FOXL2NB: variants seen among roughly 807,000 people sequenced by gnomAD.
FOXL2NB encodes the protein FOXL2 neighbor.
Under a neutral mutation model 7.4 loss-of-function variants are expected in FOXL2NB, and 10 were observed. The ratio of observed to expected loss-of-function variants is 1.34; its 90% CI spans 0.83 to 2.28. FOXL2NB has a LOEUF of 2.28. FOXL2NB is among the 30% of genes most tolerant of loss of function. FOXL2NB has a pLI of 0.00. For synonymous variants in FOXL2NB, 104 were observed against 105.3 expected (o/e 0.99, Z 0.08); for missense variants, 228 against 233.9 (o/e 0.97, Z 0.17).
chr3:138,950,099 C>G, intron 2 of FOXL2NB, 166 bp from the exon 3 acceptor site: 1 of 794,256 alleles, frequency 1.3e-6, no homozygotes, highest in South Asian at 1.5e-5. Context: ...CGCCTCCTGA[C>G]CGTGGTCCCA....
At position 138,949,534 on chromosome 3, in the gene FOXL2NB, G is replaced by C; in HGVS notation, c.115G>C (p.Val39Leu). The C allele has an allele frequency of 1.9e-6, 3 of 1,614,146 alleles. No individual in the cohort carries two copies. Among genetic ancestry groups the C allele is most frequent in the Non-Finnish European group, 2.5e-6 (3 of 1,180,028 alleles). ...SSRLSESPAL[V>L]KKRMPDACTL... ...TAGAGGAACAGAATCCCCAGCCCTG[G>C]TGAAGAAGAGGATGCCTGATGCGTG... Residue 39 changes from valine (V) to leucine (L), a missense_variant, in exon 2 of 3, where the codon GTG becomes CTG. Val to Leu is a conservative substitution (Grantham distance 32). Coordinates refer to ENST00000383165, the MANE Select transcript of FOXL2NB (RefSeq NM_001040061.3). This position sits in a 1 kb window ranked among gnomAD's most constrained non-coding sequence, Gnocchi z 4.5.
Position 138,949,980 on chromosome 3 carries a change from C to G in FOXL2NB, c.221-285C>G, listed in dbSNP as rs1161553949. ...GACGCAGGGCCCCCGGCTTAGTGAC[C>G]TTGGGGCGGCGCTCACCTCCAAAGG... On this transcript the variant is annotated intron_variant, in intron 2 of 2. Transcript: ENST00000383165. The surrounding 1 kb of genome is among the most constrained non-coding windows in gnomAD (Gnocchi z 4.5). 2.9e-5 allele frequency: 20 copies of G among 698,122 alleles called. No homozygotes were observed. Among genetic ancestry groups the G allele is most frequent in the South Asian group, 2.5e-4 (17 of 66,738 alleles). The allele number at this position is 698,122 out of a possible 1,614,324, so 43.2% of individuals were successfully genotyped here. A position where few individuals can be genotyped will look rare whatever the true frequency, so the allele number is the denominator to read the frequency against.
chr3:138,947,696 G>T lies in FOXL2NB; in HGVS notation c.100+232G>T. The T allele has an allele frequency of 7.8e-7, 1 of 1,281,946 alleles. No individual in the cohort carries two copies. Among genetic ancestry groups the T allele is most frequent in the Non-Finnish European group, 9.8e-7 (1 of 1,016,202 alleles). The allele number at this position is 1,281,946 out of a possible 1,614,324, so 79.4% of individuals were successfully genotyped here. A position where few individuals can be genotyped will look rare whatever the true frequency, so the allele number is the denominator to read the frequency against. On this transcript the variant is annotated intron_variant, in intron 1 of 2. Coordinates refer to ENST00000383165, the MANE Select transcript of FOXL2NB (RefSeq NM_001040061.3). The surrounding 1 kb of genome is among the most constrained non-coding windows in gnomAD (Gnocchi z 5.2). ...GTGACTGGGCTGGAATGGGGCAGGG[G>T]AGAGGATCTCTGGAAATAGTCGTCA... is the stretch of plus-strand genomic sequence containing the variant.
intron 1 of FOXL2NB, chr3:138,948,060 A>T (rs1936026644): frequency 3.7e-6 from 3 of 807,122 alleles, no homozygotes; most frequent in Non-Finnish European, 1.5e-6. Flanking sequence ...AAACACACTT[A>T]TACTGATAGT....
Position 138,949,802 on chromosome 3 carries a change from C to A in FOXL2NB, c.220+163C>A. ...GCCAGAGGTGGGTGAACCGGGCGCT[C>A]CAGGAAACGGTGCGGGGCGCCCTGA... is the stretch of plus-strand genomic sequence containing the variant. On this transcript the variant is annotated intron_variant, in intron 2 of 2. Transcript: ENST00000383165. This position sits in a 1 kb window ranked among gnomAD's most constrained non-coding sequence, Gnocchi z 4.5. 9.7e-7 allele frequency: 1 copy of A among 1,026,880 alleles called. No homozygotes were observed. Among genetic ancestry groups the A allele is most frequent in the Non-Finnish European group, 1.5e-6 (1 of 677,280 alleles). 63.6% of individuals were successfully genotyped at this position (1,026,880 alleles called of 1,614,324 possible). A position where few individuals can be genotyped will look rare whatever the true frequency, so the allele number is the denominator to read the frequency against.
Position 138,950,324 on chromosome 3 carries a change from G to A in FOXL2NB, c.280G>A (p.Ala94Thr), listed in dbSNP as rs1231423526. 4 of 1,609,466 alleles carry A rather than the reference G, an allele frequency of 2.5e-6. No individual in the cohort carries two copies. The highest frequency in any genetic ancestry group is 1.1e-5 in the South Asian group (1 of 90,564). Residue 94 changes from alanine (A) to threonine (T), a missense_variant, in exon 3 of 3, where the codon GCT (alanine) becomes ACT (threonine). By Grantham distance (58) the Ala-to-Thr change is moderately conservative. Transcript: ENST00000383165. ...PPAPRASGGP[A>T]LLGKRRGCSE... ...CGCGCCTCGGGCTTCCGGCGGCCCA[G>A]CTCTACTAGGGAAGCGTCGCGGCTG...
Position 138,947,653 on chromosome 3 carries a change from G to C in FOXL2NB, c.100+189G>C. Reference sequence around the variant, plus strand: ...GTACGAAGAAGCCTCGGCCTGGCCTGTCCCTCGCGCTCTCAGAGTGACTGG... The same window carrying C: ...GTACGAAGAAGCCTCGGCCTGGCCTCTCCCTCGCGCTCTCAGAGTGACTGG... On this transcript the variant is annotated intron_variant, in intron 1 of 2. Transcript: ENST00000383165. The surrounding 1 kb of genome is among the most constrained non-coding windows in gnomAD (Gnocchi z 5.2). 1 of 1,365,912 alleles carries C rather than the reference G, an allele frequency of 7.3e-7. No individual in the cohort carries two copies. The highest frequency in any genetic ancestry group is 1.8e-5 in the South Asian group (1 of 56,442). The allele number at this position is 1,365,912 out of a possible 1,614,324, so 84.6% of individuals were successfully genotyped here. A position where few individuals can be genotyped will look rare whatever the true frequency, so the allele number is the denominator to read the frequency against.
rs1014940059 is a variant in FOXL2NB, at chr3:138,949,203, T to TG, written c.101-317_101-316insG. Reference sequence around the variant, plus strand: ...CCTCTCTCCTTTTCTCTCCTTTTTTTTTTTCTTGACCACCCAGGCTGGCTC... The same window carrying TG: ...CCTCTCTCCTTTTCTCTCCTTTTTTTGTTTTCTTGACCACCCAGGCTGGCTC... On this transcript the variant is annotated intron_variant, in intron 1 of 2. Coordinates refer to ENST00000383165, the MANE Select transcript of FOXL2NB (RefSeq NM_001040061.3). The surrounding 1 kb of genome is among the most constrained non-coding windows in gnomAD (Gnocchi z 4.5). Among the ~76,000 whole-genome samples, 10 of 150,402 alleles carry TG rather than the reference T, an allele frequency of 6.6e-5. No homozygotes were observed. The highest frequency in any genetic ancestry group is 1.2e-4 in the Non-Finnish European group (8 of 67,882).
At chr3:138,948,098 G>A in intron 1 of FOXL2NB, 1 of 533,740 alleles carries the variant, frequency 1.9e-6, no homozygotes, top group South Asian at 8.2e-5. Context: ...AAGTATTAGA[G>A]TAAATGTAGC....
In FOXL2NB at chr3:138,949,581, C is replaced by G; in HGVS notation, c.162C>G (p.Ile54Met). The G allele has an allele frequency of 6.2e-7, 1 of 1,613,920 alleles. No homozygotes were observed. Among genetic ancestry groups the G allele is most frequent in the South Asian group, 1.1e-5 (1 of 91,084 alleles). ...CGTGCACCCTGGGAAGGGCTGGAATCGGTCTCCCCAAGATGTGCCTTCACA... is the reference window on the plus strand; with the variant it reads ...CGTGCACCCTGGGAAGGGCTGGAATGGGTCTCCCCAAGATGTGCCTTCACA... Reference protein sequence around the residue: ...PDACTLGRAGIGLPKMCLHMA... With the variant: ...PDACTLGRAGMGLPKMCLHMA... Residue 54 changes from isoleucine (I) to methionine (M), a missense_variant, in exon 2 of 3, where the codon ATC (isoleucine) becomes ATG (methionine). Physicochemically the swap from Ile to Met is conservative, Grantham distance 10. Coordinates refer to ENST00000383165, the MANE Select transcript of FOXL2NB (RefSeq NM_001040061.3). This position sits in a 1 kb window ranked among gnomAD's most constrained non-coding sequence, Gnocchi z 4.5.
At position 138,950,362 on chromosome 3, in the gene FOXL2NB, C is replaced by T; in HGVS notation, c.318C>T (p.Gly106=). The change falls in exon 3 of 3, where the codon GGC becomes GGT. Residue 106 remains glycine (G), a synonymous_variant. Coordinates refer to ENST00000383165, the MANE Select transcript of FOXL2NB (RefSeq NM_001040061.3). ...LGKRRGCSEA[G]SASLEPLSSS... ...AGCGTCGCGGCTGCTCTGAGGCAGG[C>T]AGCGCTTCGCTAGAACCACTCAGCT... is the stretch of plus-strand genomic sequence containing the variant. 6.2e-7 allele frequency: 1 copy of T among 1,611,950 alleles called. No individual in the cohort carries two copies. Among genetic ancestry groups the T allele is most frequent in the East Asian group, 2.2e-5 (1 of 44,860 alleles).
In FOXL2NB at chr3:138,949,196, CTT is replaced by C. The variant is rs1231942422; in HGVS notation, c.101-314_101-313del. 6.8e-6 allele frequency among the ~76,000 whole-genome samples: 1 copy of C among 146,346 alleles called. No homozygotes were observed. The highest frequency in any genetic ancestry group is 7.0e-5 in the Admixed American group (1 of 14,318). On this transcript the variant is annotated intron_variant, in intron 1 of 2. Transcript: ENST00000383165. The surrounding 1 kb of genome is among the most constrained non-coding windows in gnomAD (Gnocchi z 4.5). ...GGGGGCTCCTCTCTCCTTTTCTCTCCTTTTTTTTTTTCTTGACCACCCAGGCT... is the reference window on the plus strand; with the variant it reads ...GGGGGCTCCTCTCTCCTTTTCTCTCCTTTTTTTTTCTTGACCACCCAGGCT...
chr3:138,948,994 T>G (rs1204360085), intron 1 of FOXL2NB, among the ~76,000 whole-genome samples: 1 of 152,218 alleles, frequency 6.6e-6, no homozygotes, highest in Admixed American at 6.5e-5. Context: ...TCCCTGCTGC[T>G]GCTTTCTGAG....
chr3:138,947,757 G>GT lies in FOXL2NB; in HGVS notation c.100+295dup. ...CTGAATCACCTCTGCCTCTCCCTGC[G>GT]TTACCAGTGGATCTAGGAACCAGGA... is the stretch of plus-strand genomic sequence containing the variant. On this transcript the variant is annotated intron_variant, in intron 1 of 2. Transcript: ENST00000383165. This position sits in a 1 kb window ranked among gnomAD's most constrained non-coding sequence, Gnocchi z 5.2. 8.8e-7 allele frequency: 1 copy of GT among 1,141,500 alleles called. No homozygotes were observed. Among genetic ancestry groups the GT allele is most frequent in the African/African-American group, 1.6e-5 (1 of 61,520 alleles). The allele number at this position is 1,141,500 out of a possible 1,614,324, so 70.7% of individuals were successfully genotyped here. A position where few individuals can be genotyped will look rare whatever the true frequency, so the allele number is the denominator to read the frequency against.
At chr3:138,950,035 G>A (rs1049768930) in intron 2 of FOXL2NB, 5 of 706,682 alleles carry the variant, frequency 7.1e-6, no homozygotes, top group African/African-American at 5.2e-5. Flanking sequence ...AGAACTCACT[G>A]CCTCTTTGCC....
In FOXL2NB at chr3:138,949,674, A is replaced by C; in HGVS notation, c.220+35A>C. On this transcript the variant is annotated intron_variant, in intron 2 of 2. Coordinates refer to ENST00000383165, the MANE Select transcript of FOXL2NB (RefSeq NM_001040061.3). This position sits in a 1 kb window ranked among gnomAD's most constrained non-coding sequence, Gnocchi z 4.5. The stretch of plus-strand genomic sequence containing the variant: ...TGCGGGCGGGAAAGCTGGCAGAATG[A>C]TTACTTTCAGGTCCCCTCCAGGCTT... The C allele has an allele frequency of 1.2e-6, 2 of 1,613,716 alleles. No individual in the cohort carries two copies. The highest frequency in any genetic ancestry group is 1.7e-6 in the Non-Finnish European group (2 of 1,179,896).
Position 138,949,392 on chromosome 3 carries a change from GT to G in FOXL2NB, c.101-127del. On this transcript the variant is annotated intron_variant, in intron 1 of 2. Coordinates refer to ENST00000383165, the MANE Select transcript of FOXL2NB (RefSeq NM_001040061.3). This position sits in a 1 kb window ranked among gnomAD's most constrained non-coding sequence, Gnocchi z 4.5. Reference sequence around the variant, plus strand: ...AGAGCCTGTGTGTGTATGCATGTGCGTGTGTGTGTGTGTGTGTGTGTGTGTA... The same window carrying G: ...AGAGCCTGTGTGTGTATGCATGTGCGGTGTGTGTGTGTGTGTGTGTGTGTA... 2.8e-6 allele frequency: 1 copy of G among 357,216 alleles called. No homozygotes were observed. The highest frequency in any genetic ancestry group is 4.1e-6 in the Non-Finnish European group (1 of 244,298). 22.1% of individuals were successfully genotyped at this position (357,216 alleles called of 1,614,324 possible).
At position 138,949,884 on chromosome 3, in the gene FOXL2NB, G is replaced by C. The variant is rs1936084384; in HGVS notation, c.220+245G>C. 4 of 697,958 alleles carry C rather than the reference G, an allele frequency of 5.7e-6. No homozygotes were observed. Among genetic ancestry groups the C allele is most frequent in the Non-Finnish European group, 1.0e-5 (4 of 385,320 alleles). 43.2% of individuals were successfully genotyped at this position (697,958 alleles called of 1,614,324 possible). Reference sequence around the variant, plus strand: ...TGCTGGCGAGGTCGGGATCCTCTCTGAACAGGGCATACTGTGCCTAGGTTT... The same window carrying C: ...TGCTGGCGAGGTCGGGATCCTCTCTCAACAGGGCATACTGTGCCTAGGTTT... On this transcript the variant is annotated intron_variant, in intron 2 of 2. Coordinates refer to ENST00000383165, the MANE Select transcript of FOXL2NB (RefSeq NM_001040061.3). This position sits in a 1 kb window ranked among gnomAD's most constrained non-coding sequence, Gnocchi z 4.5.
chr3:138,949,406 G>A lies in FOXL2NB; in HGVS notation c.101-114G>A. 8.8e-7 allele frequency: 1 copy of A among 1,136,560 alleles called. No homozygotes were observed. The highest frequency in any genetic ancestry group is 1.3e-6 in the Non-Finnish European group (1 of 790,780). The allele number at this position is 1,136,560 out of a possible 1,614,324, so 70.4% of individuals were successfully genotyped here. ...TATGCATGTGCGTGTGTGTGTGTGT[G>A]TGTGTGTGTGTAGGGGTTGGGGGCA... On this transcript the variant is annotated intron_variant, in intron 1 of 2. Transcript: ENST00000383165. This position sits in a 1 kb window ranked among gnomAD's most constrained non-coding sequence, Gnocchi z 4.5.
Sources: gnomAD v4.1 joint callset for allele counts (sites outside exome capture counted in the v4.1 genomes callset) on GRCh38, gnomAD v4.1.1 for gene constraint, Gnocchi (gnomAD v3.1) non-coding constraint, MANE v1.5 for transcripts, NCBI Gene and HGNC (gene_info 2026-07-23, HGNC 2026-07-21) for gene names.